The following MEF2C variants were observed in gnomAD, a reference collection of about 807,000 sequenced individuals.
MEF2C encodes the protein myocyte enhancer factor 2C.
MEF2C carries 6 observed loss-of-function variants against 50.5 expected under a neutral mutation model. That is an observed-to-expected ratio of 0.12 (90% CI 0.07 to 0.23). The LOEUF is 0.23. Among genes scored for constraint, MEF2C ranks in the 10% least tolerant of loss-of-function variants. The probability of loss-of-function intolerance (pLI) is 1.00; values close to 1 mark genes in which losing one functional copy is unlikely to be tolerated. For missense variants in MEF2C, 276 were observed against 605.0 expected (o/e 0.46, Z 5.70); for synonymous variants, 183 against 228.0 (o/e 0.80, Z 1.78).
At chr5:88,739,954 A>C (rs1279111396) in intron 6 of MEF2C, 1 of 985,026 alleles carries the variant, frequency 1.0e-6, no homozygotes, top group African/African-American at 1.7e-5. Context: ...GGGGTTTCTT[A>C]GGGAAATTAT....
At chr5:88,839,606 G>C (rs1375623441) in intron 1 of MEF2C, 1 of 152,016 alleles carries the variant, frequency 6.6e-6, no homozygotes, top group Non-Finnish European at 1.5e-5. Flanking sequence ...TATGTTTGTG[G>C]GTCCAGTAAT....
intron 1 of MEF2C, chr5:88,826,900 C>A: frequency 7.5e-6 from 1 of 134,050 alleles, no homozygotes. Context: ...TATAAATAAT[C>A]ACTAATTTAA....
At chr5:88,804,490 T>C in intron 3 of MEF2C, 108 bp downstream of exon 3, 2 of 965,738 alleles carry the variant, frequency 2.1e-6, no homozygotes, top group East Asian at 2.6e-5. Flanking sequence ...TATGGGACTA[T>C]GAACATCTTA....
chr5:88,728,240 A>T (rs1185057425), intron 10 of MEF2C, among the ~76,000 whole-genome samples: 9 of 152,160 alleles, frequency 5.9e-5, no homozygotes, highest in Non-Finnish European at 1.3e-4. Flanking sequence ...TCACTGATAG[A>T]AGTGGAAACA....
chr5:88,734,574 T>TG (rs1763213401), intron 6 of MEF2C: 24 of 886,572 alleles, frequency 2.7e-5, no homozygotes, highest in South Asian at 5.1e-5. Flanking sequence ...TGTTTTTTTT[T>TG]TTTTTTTTTT....
intron 3 of MEF2C, among the ~76,000 whole-genome samples, chr5:88,790,776 A>T (rs770627913): frequency 1.3e-5 from 2 of 152,136 alleles, no homozygotes; most frequent in African/African-American, 2.4e-5. Flanking sequence ...CAGTAAGTTG[A>T]TATATATTGA....
intron 2 of MEF2C, among the ~76,000 whole-genome samples, chr5:88,814,708 T>C (rs1390993014): frequency 6.6e-6 from 1 of 151,992 alleles, no homozygotes; most frequent in African/African-American, 2.4e-5. Context: ...TCTTATGCAT[T>C]GGAGGGAAAA....
rs950443689 is a variant in MEF2C, at chr5:88,719,161, A to G, written c.*3443T>C. 5 of 152,232 alleles carry G rather than the reference A, an allele frequency of 3.3e-5. No homozygotes were observed. Among genetic ancestry groups the G allele is most frequent in the African/African-American group, 9.6e-5 (4 of 41,458 alleles). 9.4% of individuals were successfully genotyped at this position (152,232 alleles called of 1,614,324 possible). The stretch of plus-strand genomic sequence containing the variant: ...GGTATGTAAGAAAAACAAATCCATA[A>G]AAGTGTGTGAGGGCAGACATTCTTT... On this transcript the variant is annotated 3_prime_UTR_variant, in exon 11 of 11. Coordinates refer to ENST00000504921, the MANE Select transcript of MEF2C (RefSeq NM_002397.5).
chr5:88,766,649 C>G, intron 3 of MEF2C: 1 of 985,298 alleles, frequency 1.0e-6, no homozygotes, highest in Non-Finnish European at 1.2e-6. Context: ...TGTGCCTGCC[C>G]ATTCTACATG....
chr5:88,852,832 T>C (rs1045050511), intron 1 of MEF2C, among the ~76,000 whole-genome samples: 6 of 151,922 alleles, frequency 3.9e-5, no homozygotes, highest in Non-Finnish European at 8.8e-5. Flanking sequence ...GGAGAATCAC[T>C]GGAACCTGAG....
intron 1 of MEF2C, among the ~76,000 whole-genome samples, chr5:88,830,245 C>T (rs1381163735): frequency 6.6e-6 from 1 of 152,008 alleles, no homozygotes; most frequent in Admixed American, 6.6e-5. Flanking sequence ...ACCACGGCTG[C>T]TGAAAACTCT....
At chr5:88,728,848 A>T (rs756202347) in intron 9 of MEF2C, among the ~76,000 whole-genome samples, 59 of 152,208 alleles carry the variant, frequency 3.9e-4, no homozygotes, top group Non-Finnish European at 7.3e-4. Flanking sequence ...AATGCTCTGA[A>T]GTAGCATAGT....
intron 1 of MEF2C, chr5:88,825,586 T>C (rs1322134313): frequency 2.0e-6 from 2 of 982,132 alleles, no homozygotes; most frequent in African/African-American, 1.8e-5. Context: ...TGAAATCACA[T>C]TAAAATATGA....
chr5:88,773,968 A>ATCTACC (rs1561946671), intron 3 of MEF2C, among the ~76,000 whole-genome samples: 1 of 152,244 alleles, frequency 6.6e-6, no homozygotes, highest in Admixed American at 6.5e-5. Context: ...TATAATGGGT[A>ATCTACC]GATGGTTGCT....
At chr5:88,857,749 C>T (rs1265181723) in intron 1 of MEF2C, among the ~76,000 whole-genome samples, 2 of 152,194 alleles carry the variant, frequency 1.3e-5, no homozygotes, top group Non-Finnish European at 2.9e-5. Context: ...TGCCTTCTGC[C>T]ACAATTCTAA....
chr5:88,860,243 A>G (rs1825027555), intron 1 of MEF2C, among the ~76,000 whole-genome samples: 1 of 152,086 alleles, frequency 6.6e-6, no homozygotes, highest in East Asian at 1.9e-4. Context: ...ATTTTCTTCC[A>G]CTTCTGTAAG....
In MEF2C at chr5:88,722,943, AC is replaced by A; in HGVS notation, c.1101-19del. ...TGCAAGCTCTGTAGGAGGAAAGGAA[AC>A]CCAGTTACAGATGAAGGAGGCCTGG... is the stretch of plus-strand genomic sequence containing the variant. On this transcript the variant is annotated intron_variant, in intron 10 of 10. Transcript: ENST00000504921. 3.9e-6 allele frequency: 6 copies of A among 1,558,232 alleles called. No individual in the cohort carries two copies. Among genetic ancestry groups the A allele is most frequent in the Non-Finnish European group, 5.2e-6 (6 of 1,149,336 alleles).
intron 6 of MEF2C, chr5:88,740,455 G>C: frequency 1.0e-6 from 1 of 984,982 alleles, no homozygotes; most frequent in Non-Finnish European, 1.2e-6. Context: ...CTGTCATGCG[G>C]ATTTAGGCAT....
intron 1 of MEF2C, among the ~76,000 whole-genome samples, chr5:88,876,835 G>C (rs918441843): frequency 3.3e-5 from 5 of 151,890 alleles, no homozygotes; most frequent in Non-Finnish European, 5.9e-5. Flanking sequence ...CATAGTATCT[G>C]AGAGCAATTT....
Sources: allele counts gnomAD v4.1 joint callset (sites outside exome capture counted in the v4.1 genomes callset), GRCh38; gene constraint gnomAD v4.1.1; transcripts MANE v1.5; gene names NCBI Gene and HGNC (gene_info 2026-07-23, HGNC 2026-07-21).